Variants in DMGDH observed in about 807,000 individuals in gnomAD.
DMGDH encodes dimethylglycine dehydrogenase, mitochondrial.
A neutral mutation model predicts 95.2 loss-of-function variants in DMGDH; 76 were observed. The ratio of observed to expected loss-of-function variants is 0.80; its 90% CI spans 0.66 to 0.97. DMGDH has a LOEUF of 0.97. Among genes scored for constraint, DMGDH ranks in the 50% least tolerant of loss-of-function variants. DMGDH has a pLI of 0.00. For missense variants in DMGDH, 987 were observed against 1,055.0 expected (o/e 0.94, Z 0.89); for synonymous variants, 345 against 377.6 (o/e 0.91, Z 1.00).
chr5:79,055,919 G>A lies in DMGDH; in HGVS notation c.277-11C>T, dbSNP rs747465274. ...AGTTGTTAAACCTGCCTTAAAAGCAGAGAGGAAAAGAAATACTGAAAAAAA... is the reference window on the plus strand; with the variant it reads ...AGTTGTTAAACCTGCCTTAAAAGCAAAGAGGAAAAGAAATACTGAAAAAAA... On this transcript the variant is annotated splice_polypyrimidine_tract_variant and intron_variant, in intron 2 of 15. Coordinates refer to ENST00000255189, the MANE Select transcript of DMGDH (RefSeq NM_013391.3). The A allele has an allele frequency of 6.5e-7, 1 of 1,532,844 alleles. No individual in the cohort carries two copies. The highest frequency in any genetic ancestry group is 9.0e-7 in the Non-Finnish European group (1 of 1,106,546). 95.0% of individuals were successfully genotyped at this position (1,532,844 alleles called of 1,614,324 possible).
At chr5:79,016,791 A>T (rs540192220) in intron 14 of DMGDH, among the ~76,000 whole-genome samples, 2 of 152,356 alleles carry the variant, frequency 1.3e-5, no homozygotes, top group South Asian at 4.1e-4. Flanking sequence ...TCACAACCTT[A>T]TTTGAGCAAC....
intron 15 of DMGDH, chr5:79,000,275 T>A (rs1037608861): frequency 1.5e-6 from 1 of 653,018 alleles, no homozygotes; most frequent in African/African-American, 1.8e-5. Flanking sequence ...ACATTTAAAA[T>A]CTCCATGAGA....
Position 79,063,756 on chromosome 5 carries a change from G to A in DMGDH, c.133C>T (p.Gln45Ter). Residue 45 changes from glutamine (Q) to a stop codon, truncating the protein, a stop_gained, in exon 2 of 16, where the codon CAA becomes TAA. Transcript: ENST00000255189. LOFTEE classifies it high-confidence loss of function. ...EEKPPLSAET[Q>*]WKDRAETVII... Reference sequence around the variant, plus strand: ...ACTGTTTCTGCTCTGTCTTTCCATTGTGTTTCTGCAGATAAGGGTGGTTTT... The same window carrying A: ...ACTGTTTCTGCTCTGTCTTTCCATTATGTTTCTGCAGATAAGGGTGGTTTT... 1 of 1,614,136 alleles carries A rather than the reference G, an allele frequency of 6.2e-7. No individual in the cohort carries two copies. Among genetic ancestry groups the A allele is most frequent in the South Asian group, 1.1e-5 (1 of 91,080 alleles).
At chr5:79,004,089 A>G (rs1753502842) in intron 15 of DMGDH, among the ~76,000 whole-genome samples, 1 of 152,236 alleles carries the variant, frequency 6.6e-6, no homozygotes. Flanking sequence ...TGGAAACTAG[A>G]CCTGGGTTGG....
At chr5:79,048,564 A>T (rs994246937) in intron 5 of DMGDH, among the ~76,000 whole-genome samples, 2 of 151,758 alleles carry the variant, frequency 1.3e-5, no homozygotes, top group Non-Finnish European at 2.9e-5. Context: ...CCAGCCACAC[A>T]CTCTCCACTC....
chr5:79,010,403 G>A (rs1333946713), intron 14 of DMGDH, among the ~76,000 whole-genome samples: 1 of 152,086 alleles, frequency 6.6e-6, no homozygotes, highest in Non-Finnish European at 1.5e-5. Context: ...ATACAGTCTT[G>A]GACCTTTTCT....
At chr5:79,036,211 C>G (rs1754343762) in intron 7 of DMGDH, among the ~76,000 whole-genome samples, 1 of 152,158 alleles carries the variant, frequency 6.6e-6, no homozygotes, top group South Asian at 2.1e-4. Flanking sequence ...CTATTGGGCC[C>G]TTGTATGACC....
chr5:79,048,183 G>A (rs1052809172), intron 5 of DMGDH, among the ~76,000 whole-genome samples: 2 of 151,844 alleles, frequency 1.3e-5, no homozygotes, highest in East Asian at 1.9e-4. Flanking sequence ...GGTGAGCCCC[G>A]TTCTGGGTAC....
intron 14 of DMGDH, among the ~76,000 whole-genome samples, chr5:79,014,306 A>C (rs1291196829): frequency 1.3e-5 from 2 of 152,230 alleles, no homozygotes; most frequent in African/African-American, 4.8e-5. Context: ...GTTAAAGAGA[A>C]CACTTAATTT....
intron 4 of DMGDH, among the ~76,000 whole-genome samples, chr5:79,053,666 T>C (rs986617853): frequency 6.6e-6 from 1 of 152,214 alleles, no homozygotes; most frequent in African/African-American, 2.4e-5. Flanking sequence ...GAAAAAACAC[T>C]AAATTTCATG....
At chr5:79,012,843 GGGGCCTT>G (rs1390433917) in intron 14 of DMGDH, among the ~76,000 whole-genome samples, 1 of 152,240 alleles carries the variant, frequency 6.6e-6, no homozygotes, top group East Asian at 1.9e-4. Flanking sequence ...GCAAGGCAGT[GGGGCCTT>G]GGGCCTGGCC....
intron 15 of DMGDH, among the ~76,000 whole-genome samples, chr5:79,002,654 C>T (rs1449063311): frequency 6.6e-6 from 1 of 152,160 alleles, no homozygotes; most frequent in Non-Finnish European, 1.5e-5. Flanking sequence ...TAAACAAATA[C>T]ATTTGTACCC....
intron 4 of DMGDH, among the ~76,000 whole-genome samples, chr5:79,052,764 A>G (rs762393278): frequency 5.9e-5 from 9 of 152,250 alleles, no homozygotes; most frequent in Non-Finnish European, 1.2e-4. Flanking sequence ...TAGTGGAGGT[A>G]AAATTTCAAT....
At chr5:79,023,811 T>C (rs922976415) in intron 14 of DMGDH, among the ~76,000 whole-genome samples, 2 of 152,232 alleles carry the variant, frequency 1.3e-5, no homozygotes, top group African/African-American at 4.8e-5. Context: ...ACAAAGATGC[T>C]TGATAAGCAG....
chr5:79,057,004 C>A (rs1207260619), intron 2 of DMGDH, among the ~76,000 whole-genome samples: 1 of 152,158 alleles, frequency 6.6e-6, no homozygotes, highest in African/African-American at 2.4e-5. Context: ...AATGGAGCAG[C>A]CCTCCTGGCC....
chr5:79,027,428 G>T (rs1276089012), intron 12 of DMGDH, among the ~76,000 whole-genome samples: 2 of 152,184 alleles, frequency 1.3e-5, no homozygotes, highest in African/African-American at 4.8e-5. Context: ...TAATCTCTGT[G>T]TTCTCCTGTT....
At position 79,033,244 on chromosome 5, in the gene DMGDH, T is replaced by C. The variant is rs1312422619; in HGVS notation, c.1358A>G (p.Asn453Ser). The C allele has an allele frequency of 1.2e-6, 2 of 1,614,170 alleles. No individual in the cohort carries two copies. Among genetic ancestry groups the C allele is most frequent in the East Asian group, 2.2e-5 (1 of 44,872 alleles). ...AKARESYGFN[N>S]IVGYPKEERF... ...ACAGTACATTTGTACCTTACCAATA[T>C]TGTTGAATCCATATGATTCTCTTGC... Residue 453 changes from asparagine to serine, a missense_variant, in exon 8 of 16, where the codon AAT becomes AGT. Transcript: ENST00000255189.
intron 14 of DMGDH, among the ~76,000 whole-genome samples, chr5:79,014,598 A>T (rs1003271783): frequency 6.6e-6 from 1 of 152,226 alleles, no homozygotes; most frequent in Non-Finnish European, 1.5e-5. Context: ...TCTTAAAAAA[A>T]GAAAAAGGAT....
At chr5:79,031,148 T>C (rs1754165415) in intron 9 of DMGDH, 150 bp from the exon 10 acceptor site, 1 of 769,336 alleles carries the variant, frequency 1.3e-6, no homozygotes, top group Admixed American at 2.3e-5. Flanking sequence ...CAACCTGAAA[T>C]TCTGTTCTGC....
Sources: allele counts gnomAD v4.1 joint callset (sites outside exome capture counted in the v4.1 genomes callset), GRCh38; gene constraint gnomAD v4.1.1; transcripts MANE v1.5; gene names NCBI Gene and HGNC (gene_info 2026-07-23, HGNC 2026-07-21).